Variants in ALOX5 observed in about 807,000 individuals in gnomAD.
ALOX5 encodes polyunsaturated fatty acid 5-lipoxygenase.
Under a neutral mutation model 87.9 loss-of-function variants are expected in ALOX5, and 64 were observed. The ratio of observed to expected loss-of-function variants is 0.73; its 90% CI spans 0.60 to 0.90. ALOX5 has a LOEUF of 0.90. ALOX5 is among the 40% of genes least tolerant of loss of function. The pLI is 0.00. For synonymous variants in ALOX5, 388 were observed against 355.1 expected, an observed-to-expected ratio of 1.09 and a Z score of -1.04; for missense variants, 822 against 907.5, an observed-to-expected ratio of 0.91 and a Z score of 1.21.
chr10:45,412,067 G>C, intron 3 of ALOX5, 124 bp from the exon 4 acceptor site: 1 of 1,406,554 alleles, frequency 7.1e-7, no homozygotes, highest in East Asian at 2.3e-5. Flanking sequence ...ATGATGTGTT[G>C]ACTTTATTTT....
At chr10:45,428,344 C>T (rs893256954) in intron 6 of ALOX5, 3 of 513,958 alleles carry the variant, frequency 5.8e-6, no homozygotes, top group Admixed American at 6.8e-5. Context: ...GGGTCGGTCT[C>T]TCATCTTTCG....
rs770564754 is a variant in ALOX5 at position 45,395,866 on chromosome 10, C to T, written c.361C>T (p.Arg121Ter). The part of the protein sequence containing the change: ...VLRDGRAKLA[R>*]DDQIHILKQH... The stretch of plus-strand genomic sequence containing the variant: ...TTCTTTCTTTACAGCAAAGTTGGCC[C>T]GAGATGACCAAATTCACATTCTCAA... Residue 121 changes from arginine (R) to a stop codon, truncating the protein, a stop_gained, in exon 3 of 14, where the codon CGA becomes TGA. Coordinates refer to ENST00000374391, the MANE Select transcript of ALOX5 (RefSeq NM_000698.5). LOFTEE classifies it high-confidence loss of function. 8 of 1,614,176 alleles carry T rather than the reference C, an allele frequency of 5.0e-6. No individual in the cohort carries two copies. The highest frequency in any genetic ancestry group is 2.2e-5 in the East Asian group (1 of 44,894).
chr10:45,407,063 G>A (rs1027091371), intron 3 of ALOX5, among the ~76,000 whole-genome samples: 9 of 152,176 alleles, frequency 5.9e-5, no homozygotes, highest in Non-Finnish European at 1.3e-4. Context: ...TCCATGTGTA[G>A]TGTAAGATCT....
chr10:45,385,081 A>G (rs956939645), intron 2 of ALOX5, among the ~76,000 whole-genome samples: 1 of 152,134 alleles, frequency 6.6e-6, no homozygotes, highest in Non-Finnish European at 1.5e-5. Context: ...TCCTGACCTC[A>G]GGTGATCCAC....
At position 45,445,586 on chromosome 10, in the gene ALOX5, CTCGAGGCCATTG is replaced by C; in HGVS notation, c.1927_1938del (p.Glu643_Val646del). On this transcript the variant is annotated inframe_deletion, in exon 14 of 14. Coordinates refer to ENST00000374391, the MANE Select transcript of ALOX5 (RefSeq NM_000698.5). ...AGCCATGGCCCGATTCCGCAAGAAC[CTCGAGGCCATTG>C]TCAGCGTGATTGCTGAGCGCAACAA... 6.2e-7 allele frequency: 1 copy of C among 1,614,188 alleles called. No individual in the cohort carries two copies. Among genetic ancestry groups the C allele is most frequent in the Non-Finnish European group, 8.5e-7 (1 of 1,180,026 alleles).
chr10:45,414,422 T>C (rs1448296893), intron 4 of ALOX5, among the ~76,000 whole-genome samples: 1 of 152,164 alleles, frequency 6.6e-6, no homozygotes, highest in Non-Finnish European at 1.5e-5. Flanking sequence ...CCTTACACCT[T>C]ATACAAAAAT....
At chr10:45,411,105 T>G (rs1331468959) in intron 3 of ALOX5, among the ~76,000 whole-genome samples, 2 of 152,226 alleles carry the variant, frequency 1.3e-5, no homozygotes, top group East Asian at 3.8e-4. Context: ...TTCCTGACAT[T>G]ACTATGGCAT....
intron 2 of ALOX5, among the ~76,000 whole-genome samples, chr10:45,391,517 C>T (rs369842919): frequency 6.6e-6 from 1 of 152,166 alleles, no homozygotes; most frequent in African/African-American, 2.4e-5. Flanking sequence ...GCCGCCACCC[C>T]GTCTGGGAAG....
chr10:45,379,085 C>T (rs1226105344), intron 1 of ALOX5, among the ~76,000 whole-genome samples: 1 of 152,128 alleles, frequency 6.6e-6, no homozygotes, highest in Non-Finnish European at 1.5e-5. Context: ...GCTGCTCAGT[C>T]TCTTCGTGTG....
At chr10:45,406,943 A>G (rs2132746573) in intron 3 of ALOX5, among the ~76,000 whole-genome samples, 1 of 152,184 alleles carries the variant, frequency 6.6e-6, no homozygotes, top group African/African-American at 2.4e-5. Context: ...TTACTATTAT[A>G]TTTGCTGTAG....
At chr10:45,389,529 G>T (rs1840131427) in intron 2 of ALOX5, among the ~76,000 whole-genome samples, 1 of 152,116 alleles carries the variant, frequency 6.6e-6, no homozygotes, top group Non-Finnish European at 1.5e-5. Context: ...AGAGACTGGG[G>T]GCCAATATTC....
At position 45,395,103 on chromosome 10, in the gene ALOX5, T is replaced by C. The variant is rs1339538340; in HGVS notation, c.350-752T>C. The stretch of plus-strand genomic sequence containing the variant: ...CCATTTGACCCAGCCATCCCATTAC[T>C]GGGTATATACCCAAAGGATTATAAA... On this transcript the variant is annotated intron_variant, in intron 2 of 13. Coordinates refer to ENST00000374391, the MANE Select transcript of ALOX5 (RefSeq NM_000698.5). 2.6e-5 allele frequency among the ~76,000 whole-genome samples: 4 copies of C among 152,372 alleles called. No individual in the cohort carries two copies. The East Asian group carries it at 5.8e-4, about 22-fold the overall frequency.
At chr10:45,386,974 G>A (rs1387617118) in intron 2 of ALOX5, among the ~76,000 whole-genome samples, 1 of 152,174 alleles carries the variant, frequency 6.6e-6, no homozygotes, top group Non-Finnish European at 1.5e-5. Flanking sequence ...AGGCTTAGAG[G>A]GAGGAGCAGA....
At chr10:45,378,483 T>TG (rs1181187669) in intron 1 of ALOX5, among the ~76,000 whole-genome samples, 1 of 152,208 alleles carries the variant, frequency 6.6e-6, no homozygotes, top group Non-Finnish European at 1.5e-5. Context: ...TGTCCACTGT[T>TG]GATAGTGCCC....
At chr10:45,412,407 G>A in intron 4 of ALOX5, 94 bp downstream of exon 4, 5 of 1,526,562 alleles carry the variant, frequency 3.3e-6, no homozygotes, top group Non-Finnish European at 4.4e-6. Flanking sequence ...GGGTCCTTGG[G>A]TTGGGGGAAC....
chr10:45,427,031 C>T lies in ALOX5; in HGVS notation c.835-1587C>T, dbSNP rs566681293. 2.0e-5 allele frequency among the ~76,000 whole-genome samples: 3 copies of T among 152,318 alleles called. No individual in the cohort carries two copies. In the South Asian group the frequency reaches 6.2e-4, roughly 32 times the overall value. ...TACACTGACCTAGAGGGGACAGGGA[C>T]TCTAGACAGGCAAAAACTCCACTGT... On this transcript the variant is annotated intron_variant, in intron 6 of 13. Coordinates refer to ENST00000374391, the MANE Select transcript of ALOX5 (RefSeq NM_000698.5).
chr10:45,395,000 T>C (rs1026173968), intron 2 of ALOX5, among the ~76,000 whole-genome samples: 19 of 152,362 alleles, frequency 1.2e-4, no homozygotes, highest in African/African-American at 4.3e-4. Context: ...ACTTTTATAC[T>C]GTTGGTGGGA....
At chr10:45,443,262 C>A (rs1285468505) in intron 10 of ALOX5, 46 bp downstream of exon 10, 2 of 1,595,732 alleles carry the variant, frequency 1.3e-6, no homozygotes, top group Non-Finnish European at 1.7e-6. Context: ...GCCGGGACCC[C>A]TGCCTGACTA....
Position 45,443,450 on chromosome 10 carries a change from G to C in ALOX5, c.1486G>C (p.Gly496Arg). 6.2e-7 allele frequency: 1 copy of C among 1,611,480 alleles called. No homozygotes were observed. Residue 496 changes from glycine (G) to arginine (R), a missense_variant, in exon 11 of 14, where the codon GGC (glycine) becomes CGC (arginine). Physicochemically the swap from Gly to Arg is moderately radical, Grantham distance 125. Transcript: ENST00000374391. ...CGAGGTGGTAGACATCTACTACGAG[G>C]GCGACCAGGTGGTGGAGGAGGACCC... ...TAEVVDIYYE[G>R]DQVVEEDPEL...
Sources: allele counts gnomAD v4.1 joint callset (sites outside exome capture counted in the v4.1 genomes callset), GRCh38; gene constraint gnomAD v4.1.1; transcripts MANE v1.5; gene names NCBI Gene and HGNC (gene_info 2026-07-23, HGNC 2026-07-21).